The following RBMS3 variants were observed in gnomAD, a reference collection of about 807,000 sequenced individuals.
The protein encoded by RBMS3 is RNA-binding motif, single-stranded-interacting protein 3.
In RBMS3, 27 loss-of-function variants were observed where a neutral mutation model predicts 66.8. That is an observed-to-expected ratio of 0.40 (90% CI 0.30 to 0.56). The LOEUF (loss-of-function observed/expected upper bound fraction) is 0.56. Ranked by LOEUF, RBMS3 falls within the 20% of genes least tolerant of loss-of-function variation. RBMS3 has a pLI of 0.40. For synonymous variants in RBMS3, 188 were observed against 183.0 expected (o/e 1.03, Z -0.22); for missense variants, 513 against 549.5 (o/e 0.93, Z 0.66).
chr3:29,793,340 G>A lies in RBMS3; in HGVS notation c.637+30351G>A, dbSNP rs576318050. ...GTTAGCTTCTGGGGAAGTTAAGACC[G>A]TCATAATTTTTTTTTCCACTTCTGT... On this transcript the variant is annotated intron_variant, in intron 6 of 14. Transcript: ENST00000383767. Among the ~76,000 whole-genome samples the A allele has an allele frequency of 3.2e-4, 49 of 152,004 alleles. No homozygotes were observed. The South Asian group carries it at 7.9e-3, about 24-fold the overall frequency.
intron 5 of RBMS3, among the ~76,000 whole-genome samples, chr3:29,745,898 TAA>T (rs3836344): frequency 6.8e-6 from 1 of 147,910 alleles, no homozygotes; most frequent in African/African-American, 2.5e-5. Context: ...TTTCATTAAG[TAA>T]AAAAAAAAAG....
intron 3 of RBMS3, among the ~76,000 whole-genome samples, chr3:29,490,155 AAAATT>A (rs1406261326): frequency 1.3e-5 from 2 of 151,060 alleles, no homozygotes. Flanking sequence ...AATTTAATTT[AAAATT>A]AAATTTAATT....
intron 12 of RBMS3, among the ~76,000 whole-genome samples, chr3:29,974,267 C>T (rs1276794842): frequency 1.3e-5 from 2 of 151,900 alleles, no homozygotes; most frequent in African/African-American, 4.8e-5. Flanking sequence ...CTTTCATTTT[C>T]ACCTCACATC....
At chr3:29,581,769 A>T (rs1034329548) in intron 3 of RBMS3, among the ~76,000 whole-genome samples, 1 of 152,174 alleles carries the variant, frequency 6.6e-6, no homozygotes, top group Non-Finnish European at 1.5e-5. Context: ...AACAATACAA[A>T]TGTGAAATTT....
chr3:29,840,264 A>T (rs2058629273), intron 6 of RBMS3, among the ~76,000 whole-genome samples: 1 of 152,044 alleles, frequency 6.6e-6, no homozygotes, highest in South Asian at 2.1e-4. Context: ...CATTTGTCAT[A>T]TTAGAAATTT....
At chr3:29,574,024 G>C (rs1215536737) in intron 3 of RBMS3, among the ~76,000 whole-genome samples, 1 of 152,170 alleles carries the variant, frequency 6.6e-6, no homozygotes, top group Non-Finnish European at 1.5e-5. Flanking sequence ...GGAGAAAATT[G>C]TGTATTCTGT....
At chr3:29,513,009 G>A (rs1214079437) in intron 3 of RBMS3, among the ~76,000 whole-genome samples, 1 of 152,108 alleles carries the variant, frequency 6.6e-6, no homozygotes, top group Admixed American at 6.6e-5. Context: ...TGTGCTATGT[G>A]TCATAAAAGG....
chr3:29,284,153 T>A (rs901533155), intron 1 of RBMS3, among the ~76,000 whole-genome samples: 1 of 152,184 alleles, frequency 6.6e-6, no homozygotes, highest in Non-Finnish European at 1.5e-5. Flanking sequence ...TAAAATCCAC[T>A]CTTTGTAGCC....
At chr3:29,326,240 G>C (rs2035329458) in intron 1 of RBMS3, among the ~76,000 whole-genome samples, 3 of 152,006 alleles carry the variant, frequency 2.0e-5, no homozygotes, top group African/African-American at 7.2e-5. Flanking sequence ...AAACTCCTTG[G>C]AAAGCATGCA....
intron 4 of RBMS3, among the ~76,000 whole-genome samples, chr3:29,605,728 A>C (rs145948102): frequency 1.3e-4 from 19 of 151,830 alleles, no homozygotes; most frequent in South Asian, 4.2e-4. Flanking sequence ...CAGCTTTGGG[A>C]CCCTTTTTTA....
chr3:29,354,923 G>C (rs571503933), intron 1 of RBMS3, among the ~76,000 whole-genome samples: 3 of 152,060 alleles, frequency 2.0e-5, no homozygotes, highest in Admixed American at 6.6e-5. Context: ...CTGTTAAAAA[G>C]ACTTCTGAGA....
At chr3:29,885,603 G>A (rs368160590) in intron 8 of RBMS3, among the ~76,000 whole-genome samples, 1 of 151,850 alleles carries the variant, frequency 6.6e-6, no homozygotes, top group Admixed American at 6.6e-5. Context: ...ATGAATACAT[G>A]TGATTACAAT....
chr3:29,860,953 T>G (rs779100292), intron 6 of RBMS3, among the ~76,000 whole-genome samples: 33 of 152,166 alleles, frequency 2.2e-4, no homozygotes, highest in South Asian at 4.1e-4. Flanking sequence ...GAGCTCCGCC[T>G]CCCCGGTTCA....
At chr3:29,784,123 G>A (rs1401544260) in intron 6 of RBMS3, among the ~76,000 whole-genome samples, 1 of 152,034 alleles carries the variant, frequency 6.6e-6, no homozygotes, top group African/African-American at 2.4e-5. Context: ...TCCACTGACA[G>A]CACTAGACAG....
At chr3:29,812,736 TC>T in intron 6 of RBMS3, among the ~76,000 whole-genome samples, 1 of 152,300 alleles carries the variant, frequency 6.6e-6, no homozygotes, top group Non-Finnish European at 1.5e-5. Context: ...TTTTCTTTTT[TC>T]TGAGAGTAAT....
intron 6 of RBMS3, among the ~76,000 whole-genome samples, chr3:29,810,414 C>T (rs2057696713): frequency 6.6e-6 from 1 of 152,090 alleles, no homozygotes; most frequent in South Asian, 2.1e-4. Context: ...CTACCTTGGA[C>T]CTATTTGGCA....
intron 3 of RBMS3, among the ~76,000 whole-genome samples, chr3:29,552,969 C>G (rs950726888): frequency 2.0e-5 from 3 of 152,002 alleles, no homozygotes; most frequent in African/African-American, 7.2e-5. Flanking sequence ...GCTATATAAC[C>G]CTGGGTAGGT....
At chr3:29,914,491 T>C (rs2060590958) in intron 10 of RBMS3, among the ~76,000 whole-genome samples, 1 of 151,876 alleles carries the variant, frequency 6.6e-6, no homozygotes, top group Non-Finnish European at 1.5e-5. Flanking sequence ...CCATGCTTGA[T>C]CTATGCAATA....
chr3:29,321,271 A>T (rs757611140), intron 1 of RBMS3, among the ~76,000 whole-genome samples: 2 of 152,140 alleles, frequency 1.3e-5, no homozygotes, highest in Non-Finnish European at 2.9e-5. Flanking sequence ...AATGAAAAAA[A>T]CTAATCATTT....
Sources: allele counts gnomAD v4.1 joint callset (sites outside exome capture counted in the v4.1 genomes callset), GRCh38; gene constraint gnomAD v4.1.1; transcripts MANE v1.5; gene names NCBI Gene and HGNC (gene_info 2026-07-23, HGNC 2026-07-21).